The following FAM186B variants were observed in gnomAD, a reference collection of about 807,000 sequenced individuals.
FAM186B encodes protein FAM186B.
In FAM186B, 68 loss-of-function variants were observed where a neutral mutation model predicts 83.4. The ratio of observed to expected loss-of-function variants is 0.81; its 90% CI spans 0.67 to 1.00. The LOEUF (loss-of-function observed/expected upper bound fraction) is 1.00. Among genes scored for constraint, FAM186B ranks in the 50% least tolerant of loss-of-function variants. The pLI, the probability that FAM186B is intolerant of heterozygous loss-of-function variation, is 0.00. For missense variants in FAM186B, 983 were observed against 1,099.2 expected, an observed-to-expected ratio of 0.89 and a Z score of 1.49; for synonymous variants, 389 against 422.0, an observed-to-expected ratio of 0.92 and a Z score of 0.96.
In FAM186B at chr12:49,599,555, G is replaced by A. The variant is rs143957189; in HGVS notation, c.2085C>T (p.Leu695=). ...CGCCCAGCTCCATGGTGGTGGTGGTGAGCTCCAGTGCTTTGCTGCGCAGGT... is the reference window on the plus strand; with the variant it reads ...CGCCCAGCTCCATGGTGGTGGTGGTAAGCTCCAGTGCTTTGCTGCGCAGGT... ...PHYLRSKALE[L]TTTTMELGAL... The change falls in exon 4 of 7, where the codon CTC becomes CTT. Residue 695 remains leucine, a synonymous_variant. Transcript: ENST00000257894. 1.2e-6 allele frequency: 2 copies of A among 1,611,074 alleles called. No individual in the cohort carries two copies. Among genetic ancestry groups the A allele is most frequent in the African/African-American group, 2.7e-5 (2 of 74,898 alleles).
At chr12:49,597,137 T>C (rs1021406383) in intron 5 of FAM186B, among the ~76,000 whole-genome samples, 1 of 152,218 alleles carries the variant, frequency 6.6e-6, no homozygotes, top group African/African-American at 2.4e-5. Flanking sequence ...AGTCTAGGTG[T>C]GTAGCAGGCT....
At chr12:49,594,612 C>T (rs781242110) in intron 5 of FAM186B, among the ~76,000 whole-genome samples, 3 of 152,186 alleles carry the variant, frequency 2.0e-5, no homozygotes, top group Non-Finnish European at 4.4e-5. Flanking sequence ...TGGTGGCTCA[C>T]GCCTGTAATC....
At chr12:49,609,622 TTC>T (rs1565815622), upstream of FAM186B, among the ~76,000 whole-genome samples, 1 of 151,348 alleles carries the variant, frequency 6.6e-6, no homozygotes, top group Non-Finnish European at 1.5e-5. Flanking sequence ...GCCCTCTGCA[TTC>T]CACACTCAGA....
chr12:49,618,630 T>C, the FAM186B span, among the ~76,000 whole-genome samples: 1 of 151,668 alleles, frequency 6.6e-6, no homozygotes, highest in Non-Finnish European at 1.5e-5. Context: ...AAAAGGACAA[T>C]TCGGAGAATA....
intron 5 of FAM186B, among the ~76,000 whole-genome samples, chr12:49,590,127 G>T (rs539073194): frequency 1.3e-5 from 2 of 151,358 alleles, no homozygotes; most frequent in South Asian, 2.1e-4. Flanking sequence ...AAGTTTCAAG[G>T]ATTCCAATAT....
Position 49,599,967 on chromosome 12 carries a change from C to T in FAM186B, c.1673G>A (p.Arg558Lys). The change falls in exon 4 of 7, where the codon AGG becomes AAG. Residue 558 changes from arginine to lysine, a missense_variant. Physicochemically the swap from Arg to Lys is conservative, Grantham distance 26. Transcript: ENST00000257894. ...PEQLGEDVER[R>K]IFTPTSRWRD... ...CCATCGACTGGTGGGTGTGAAGATC[C>T]TCCTCTCCACATCCTCCCCTAGCTG... 6.2e-7 allele frequency: 1 copy of T among 1,613,810 alleles called. No homozygotes were observed. The highest frequency in any genetic ancestry group is 1.1e-5 in the South Asian group (1 of 91,046).
At chr12:49,604,109 G>A in intron 2 of FAM186B, 1 of 567,372 alleles carries the variant, frequency 1.8e-6, no homozygotes, top group East Asian at 2.8e-5. Context: ...CCGTGACTTA[G>A]GCTTCATCAT....
the FAM186B span, among the ~76,000 whole-genome samples, chr12:49,613,705 G>A: frequency 1.3e-5 from 2 of 151,328 alleles, no homozygotes; most frequent in African/African-American, 4.9e-5. Context: ...CAGGCATGGT[G>A]GCATGTACCT....
intron 5 of FAM186B, among the ~76,000 whole-genome samples, chr12:49,596,145 T>C (rs113627363): frequency 6.6e-6 from 1 of 152,162 alleles, no homozygotes; most frequent in African/African-American, 2.4e-5. Flanking sequence ...TGCCGAAGTA[T>C]AGTTGTGAAG....
chr12:49,617,348 C>A, the FAM186B span, among the ~76,000 whole-genome samples: 28 of 152,276 alleles, frequency 1.8e-4, no homozygotes, highest in African/African-American at 5.8e-4. Context: ...AGTTTGAGAC[C>A]AGCCTGGGCA....
chr12:49,605,758 CTTTTTTTTTT>C (rs1222575062), upstream of FAM186B: 1 of 149,800 alleles, frequency 6.7e-6, no homozygotes, highest in South Asian at 1.6e-4. Flanking sequence ...GTTGCCTTTT[CTTTTTTTTTT>C]TTTTTTTTTG....
intron 2 of FAM186B, among the ~76,000 whole-genome samples, chr12:49,603,998 A>G (rs1031860471): frequency 2.6e-5 from 4 of 152,244 alleles, no homozygotes; most frequent in African/African-American, 9.6e-5. Context: ...AGTAAAGGTC[A>G]TTCAGTGCTT....
At position 49,603,422 on chromosome 12, in the gene FAM186B, C is replaced by G. The variant is rs1206444983; in HGVS notation, c.323-55G>C. 2.5e-6 allele frequency: 4 copies of G among 1,573,108 alleles called. No homozygotes were observed. In the Admixed American group the frequency reaches 6.8e-5, roughly 27 times the overall value. ...GAGCAGTCTGTCCTCCAGGGGGACA[C>G]AGACAGCCCTATAGCACAGGGGTTC... On this transcript the variant is annotated intron_variant, in intron 2 of 6. Transcript: ENST00000257894.
chr12:49,611,303 G>A, the FAM186B span, among the ~76,000 whole-genome samples: 1 of 152,114 alleles, frequency 6.6e-6, no homozygotes, highest in Non-Finnish European at 1.5e-5. Flanking sequence ...AACCTGGGAG[G>A]CAGAGGTTGC....
intron 5 of FAM186B, among the ~76,000 whole-genome samples, chr12:49,592,354 C>T (rs904136822): frequency 6.6e-6 from 1 of 152,006 alleles, no homozygotes; most frequent in Non-Finnish European, 1.5e-5. Flanking sequence ...CACCTATAAT[C>T]TCAGCTACTC....
At chr12:49,603,102 C>T in intron 3 of FAM186B, 83 bp downstream of exon 3, 5 of 1,462,834 alleles carry the variant, frequency 3.4e-6, no homozygotes, top group Non-Finnish European at 4.8e-6. Flanking sequence ...TCAGAAAGAC[C>T]CCAGGCCCAG....
At chr12:49,587,790 G>A in intron 6 of FAM186B, 38 bp from the exon 7 acceptor site, 1 of 1,583,040 alleles carries the variant, frequency 6.3e-7, no homozygotes, top group African/African-American at 1.4e-5. Flanking sequence ...AAAAGCAACA[G>A]AGAGAGATTG....
At chr12:49,619,667 CTTTTTTTTTTTT>C in the FAM186B span, 2 of 145,996 alleles carry the variant, frequency 1.4e-5, no homozygotes, top group African/African-American at 4.9e-5. Context: ...TTAGACATCT[CTTTTTTTTTTTT>C]TTTTTTTTTT....
chr12:49,603,456 G>A, intron 2 of FAM186B, 89 bp from the exon 3 acceptor site: 1 of 1,325,286 alleles, frequency 7.5e-7, no homozygotes. Context: ...TCCAGCAGCT[G>A]TGAAGTCACA....
Sources: gnomAD v4.1 joint callset for allele counts (sites outside exome capture counted in the v4.1 genomes callset) on GRCh38, gnomAD v4.1.1 for gene constraint, MANE v1.5 for transcripts, NCBI Gene and HGNC (gene_info 2026-07-23, HGNC 2026-07-21) for gene names.